Variants in SEMA3A observed in about 807,000 individuals in gnomAD.
The protein encoded by SEMA3A is semaphorin-3A.
A neutral mutation model predicts 97.9 loss-of-function variants in SEMA3A; 29 were observed. That is an observed-to-expected ratio of 0.30 (90% CI 0.22 to 0.40). The LOEUF is 0.40. SEMA3A is among the 10% of genes least tolerant of loss of function. The pLI is 1.00. For missense variants in SEMA3A, 763 were observed against 951.3 expected (o/e 0.80, Z 2.60); for synonymous variants, 321 against 323.7 (o/e 0.99, Z 0.09).
chr7:84,099,880 T>C (rs1794905020), intron 4 of SEMA3A, among the ~76,000 whole-genome samples: 1 of 152,184 alleles, frequency 6.6e-6, no homozygotes, highest in South Asian at 2.1e-4. Context: ...TTTTCTCTCA[T>C]ATTTATGCCA....
chr7:84,175,734 C>CT (rs113449224), intron 1 of SEMA3A, among the ~76,000 whole-genome samples: 87,573 of 151,168 alleles, frequency 0.58, 25,506 homozygotes, highest in South Asian at 0.62. Flanking sequence ...CTACAGCAAC[C>CT]TTTTTTTTTC....
chr7:84,084,413 A>G (rs911308675), intron 4 of SEMA3A, among the ~76,000 whole-genome samples: 1 of 152,030 alleles, frequency 6.6e-6, no homozygotes, highest in African/African-American at 2.4e-5. Flanking sequence ...AGTAGGAAAA[A>G]TATGTCTAAC....
intron 1 of SEMA3A, among the ~76,000 whole-genome samples, chr7:84,135,319 C>A (rs1296564384): frequency 3.9e-5 from 6 of 151,926 alleles, no homozygotes; most frequent in Non-Finnish European, 8.8e-5. Flanking sequence ...CCATGTTGGT[C>A]AGGCTGGCTT....
chr7:84,074,938 G>C (rs1014488225), intron 4 of SEMA3A, among the ~76,000 whole-genome samples: 5 of 151,860 alleles, frequency 3.3e-5, no homozygotes, highest in Admixed American at 3.3e-4. Flanking sequence ...AATTATTCCA[G>C]TTATATAAAT....
intron 1 of SEMA3A, among the ~76,000 whole-genome samples, chr7:84,436,366 G>A (rs1024415510): frequency 6.6e-6 from 1 of 152,014 alleles, no homozygotes; most frequent in Admixed American, 6.6e-5. Flanking sequence ...CTGCACAGCA[G>A]AATAAACTAT....
chr7:84,092,220 A>G (rs1794625937), intron 4 of SEMA3A, among the ~76,000 whole-genome samples: 1 of 152,206 alleles, frequency 6.6e-6, no homozygotes, highest in African/African-American at 2.4e-5. Flanking sequence ...ATGGAGGAAG[A>G]TACAAAGCAA....
chr7:84,383,521 A>G (rs1177181293), intron 1 of SEMA3A, among the ~76,000 whole-genome samples: 1 of 152,218 alleles, frequency 6.6e-6, no homozygotes, highest in Non-Finnish European at 1.5e-5. Flanking sequence ...TAGCAAATTT[A>G]CACAAGTGAA....
At chr7:84,063,624 A>G (rs1285938489) in intron 4 of SEMA3A, among the ~76,000 whole-genome samples, 5 of 151,612 alleles carry the variant, frequency 3.3e-5, no homozygotes, top group Admixed American at 3.3e-4. Context: ...TGAAGAATGC[A>G]GAAGCCTCAG....
chr7:84,432,570 A>G (rs1244022514), intron 1 of SEMA3A, among the ~76,000 whole-genome samples: 1 of 152,068 alleles, frequency 6.6e-6, no homozygotes, highest in East Asian at 1.9e-4. Flanking sequence ...TCCAGTGGCT[A>G]TCATTGCCAT....
At chr7:84,278,369 G>A (rs962964095) in intron 3 of SEMA3A, among the ~76,000 whole-genome samples, 1 of 151,928 alleles carries the variant, frequency 6.6e-6, no homozygotes, top group African/African-American at 2.4e-5. Flanking sequence ...TCTCTTCCCT[G>A]TCTTCTTCTG....
intron 1 of SEMA3A, among the ~76,000 whole-genome samples, chr7:84,474,725 C>T (rs542120591): frequency 6.6e-6 from 1 of 152,198 alleles, no homozygotes; most frequent in Non-Finnish European, 1.5e-5. Context: ...CAATACACCC[C>T]TAGAGATCAG....
At chr7:84,175,198 G>T (rs1466201283) in intron 1 of SEMA3A, among the ~76,000 whole-genome samples, 1 of 152,048 alleles carries the variant, frequency 6.6e-6, no homozygotes, top group Admixed American at 6.6e-5. Context: ...TCTGTAAAAT[G>T]ATAGAAAATG....
At chr7:84,022,570 A>G (rs1791369023) in intron 6 of SEMA3A, among the ~76,000 whole-genome samples, 1 of 152,230 alleles carries the variant, frequency 6.6e-6, no homozygotes. Context: ...TCTGTTCACA[A>G]AATGCCATCT....
At chr7:84,031,586 C>A (rs899732649) in intron 6 of SEMA3A, among the ~76,000 whole-genome samples, 4 of 152,086 alleles carry the variant, frequency 2.6e-5, no homozygotes, top group Non-Finnish European at 5.9e-5. Context: ...GTAATCCCAG[C>A]ACTTTGGGAG....
At chr7:84,360,436 G>A (rs113356765) in intron 2 of SEMA3A, among the ~76,000 whole-genome samples, 3,314 of 152,032 alleles carry the variant, frequency 0.022, 121 homozygotes, top group African/African-American at 0.075. Flanking sequence ...TTTAGTTTCC[G>A]TGTAGTTGAG....
intron 4 of SEMA3A, among the ~76,000 whole-genome samples, chr7:84,067,608 C>G (rs1008733991): frequency 1.3e-5 from 2 of 152,044 alleles, no homozygotes; most frequent in African/African-American, 4.8e-5. Context: ...AAAAAGTTGG[C>G]GAAGGACATG....
chr7:84,378,159 G>A (rs1029293120), intron 1 of SEMA3A, among the ~76,000 whole-genome samples: 3 of 151,750 alleles, frequency 2.0e-5, no homozygotes, highest in African/African-American at 7.3e-5. Flanking sequence ...CAATATTTCT[G>A]GGTAAATGAA....
intron 1 of SEMA3A, among the ~76,000 whole-genome samples, chr7:84,457,902 TAACA>T (rs1037062281): frequency 4.6e-5 from 7 of 152,056 alleles, no homozygotes; most frequent in South Asian, 2.1e-4. Context: ...TATGGGAAAT[TAACA>T]AACAGATAGA....
chr7:84,120,712 T>C lies in SEMA3A; in HGVS notation c.333+8411A>G, dbSNP rs118101726. On this transcript the variant is annotated intron_variant, in intron 3 of 16. Transcript: ENST00000265362. ...TGACCATATTCTTTCATTTGTAAGA[T>C]TATGCAGAGTGTCCACATAAAATTG... is the stretch of plus-strand genomic sequence containing the variant. Among the ~76,000 whole-genome samples the C allele has an allele frequency of 2.3e-3, 358 of 152,350 alleles. 1 individual carries two copies. The highest frequency in any genetic ancestry group is 4.2e-3 in the Non-Finnish European group (287 of 68,036).
Sources: gnomAD v4.1 joint callset for allele counts (sites outside exome capture counted in the v4.1 genomes callset) on GRCh38, gnomAD v4.1.1 for gene constraint, MANE v1.5 for transcripts, NCBI Gene and HGNC (gene_info 2026-07-23, HGNC 2026-07-21) for gene names.